TXNRD2: variants seen among roughly 807,000 people sequenced by gnomAD.
TXNRD2 encodes thioredoxin reductase 2, mitochondrial.
In TXNRD2, 67 loss-of-function variants were observed where a neutral mutation model predicts 70.8. The ratio of observed to expected loss-of-function variants is 0.95; its 90% CI spans 0.78 to 1.16. TXNRD2 has a LOEUF of 1.16. TXNRD2 is among the 50% of genes most tolerant of loss of function. TXNRD2 has a pLI of 0.00. For synonymous variants in TXNRD2, 301 were observed against 295.8 expected (o/e 1.02, Z -0.18); for missense variants, 644 against 719.9 (o/e 0.89, Z 1.21).
chr22:19,899,179 C>T, intron 8 of TXNRD2, 111 bp from the exon 9 acceptor site: 1 of 1,395,316 alleles, frequency 7.2e-7, no homozygotes, highest in Non-Finnish European at 1.0e-6. Context: ...AGCTCGTGGG[C>T]TCCAAGGTTA....
chr22:19,933,433 C>T (rs1426513747), intron 1 of TXNRD2: 3 of 1,289,484 alleles, frequency 2.3e-6, no homozygotes, highest in Admixed American at 4.6e-5. Context: ...AACGTCCCTA[C>T]CTTCCATGGC....
At chr22:19,881,389 G>A (rs530504248) in intron 12 of TXNRD2, 4 of 277,280 alleles carry the variant, frequency 1.4e-5, no homozygotes, top group South Asian at 1.7e-4. Flanking sequence ...GACTAACTAC[G>A]GAAACATCCC....
chr22:19,931,196 CA>C (rs952619050), intron 1 of TXNRD2, 98 bp from the exon 2 acceptor site: 2 of 1,097,910 alleles, frequency 1.8e-6, no homozygotes, highest in Non-Finnish European at 2.8e-6. Flanking sequence ...CTGTGATGGT[CA>C]GGGGTGACAA....
At position 19,927,812 on chromosome 22, in the gene TXNRD2, T is replaced by C. The variant is rs1207242203; in HGVS notation, c.172+3218A>G. 8.5e-5 allele frequency among the ~76,000 whole-genome samples: 13 copies of C among 152,242 alleles called. No homozygotes were observed. In the East Asian group the frequency reaches 2.3e-3, roughly 27 times the overall value. On this transcript the variant is annotated intron_variant, in intron 2 of 17. Transcript: ENST00000400521. The stretch of plus-strand genomic sequence containing the variant: ...TGACTCCAGTATGCACAAATTTCAG[T>C]GTCCATGGATTCTGCTAACAGCGGG...
At chr22:19,902,835 T>G in intron 8 of TXNRD2, 3 of 429,608 alleles carry the variant, frequency 7.0e-6, no homozygotes, top group Non-Finnish European at 1.4e-5. Context: ...ATGTGCCACT[T>G]AAATTAAATT....
intron 16 of TXNRD2, 131 bp from the exon 17 acceptor site, chr22:19,877,365 GC>G: frequency 2.4e-6 from 2 of 823,170 alleles, no homozygotes; most frequent in Non-Finnish European, 3.9e-6. Context: ...CCAGCCAGCA[GC>G]CAGGACCCCT....
At chr22:19,938,429 C>G (rs1357432136) in intron 1 of TXNRD2, among the ~76,000 whole-genome samples, 1 of 152,136 alleles carries the variant, frequency 6.6e-6, no homozygotes, top group Non-Finnish European at 1.5e-5. Context: ...AATTTCTAAA[C>G]AATGGCCTAC....
chr22:19,924,943 C>G (rs1404241013), intron 2 of TXNRD2, among the ~76,000 whole-genome samples: 1 of 148,294 alleles, frequency 6.7e-6, no homozygotes, highest in Non-Finnish European at 1.5e-5. Context: ...GGAAACAATG[C>G]AAGCCAGAAG....
chr22:19,882,450 C>T (rs1378937740), intron 12 of TXNRD2, among the ~76,000 whole-genome samples: 1 of 152,148 alleles, frequency 6.6e-6, no homozygotes, highest in Non-Finnish European at 1.5e-5. Flanking sequence ...CTGCCTGCCT[C>T]GGAGTCCCAA....
chr22:19,918,800 T>C (rs962983367), intron 4 of TXNRD2, 60 bp downstream of exon 4: 20 of 1,592,216 alleles, frequency 1.3e-5, no homozygotes, highest in Non-Finnish European at 1.6e-5. Flanking sequence ...AAGCCTCCTC[T>C]TCCTCTTCCA....
At chr22:19,903,879 C>G (rs923558728) in intron 8 of TXNRD2, among the ~76,000 whole-genome samples, 1 of 152,234 alleles carries the variant, frequency 6.6e-6, no homozygotes, top group Admixed American at 6.5e-5. Context: ...CTCCGCACCC[C>G]TGCCTCCCTG....
chr22:19,924,744 T>C (rs1030813935), intron 2 of TXNRD2, among the ~76,000 whole-genome samples: 1 of 151,994 alleles, frequency 6.6e-6, no homozygotes, highest in Non-Finnish European at 1.5e-5. Flanking sequence ...GAGTAAGAAA[T>C]GTTTCTAATG....
intron 8 of TXNRD2, among the ~76,000 whole-genome samples, chr22:19,908,319 A>G (rs1940166423): frequency 6.6e-6 from 1 of 152,160 alleles, no homozygotes; most frequent in South Asian, 2.1e-4. Flanking sequence ...AAGCAGGCAG[A>G]GTACACATGG....
intron 12 of TXNRD2, 43 bp downstream of exon 12, chr22:19,883,282 G>A (rs759648313): frequency 2.8e-5 from 45 of 1,605,086 alleles, no homozygotes; most frequent in Middle Eastern, 2.0e-4. Context: ...GGGTGGTGGA[G>A]CAGGCAGGGG....
At chr22:19,883,603 C>A in intron 11 of TXNRD2, 142 bp from the exon 12 acceptor site, 1 of 1,209,380 alleles carries the variant, frequency 8.3e-7, no homozygotes, top group Non-Finnish European at 1.2e-6. Flanking sequence ...TGTAGGAGGA[C>A]GAGGTGGGCA....
At chr22:19,910,427 T>C (rs1417828394) in intron 8 of TXNRD2, among the ~76,000 whole-genome samples, 2 of 152,144 alleles carry the variant, frequency 1.3e-5, no homozygotes, top group South Asian at 2.1e-4. Context: ...TCCTTAATGT[T>C]CTCCCTGATG....
At chr22:19,915,936 A>G (rs1454718636) in intron 5 of TXNRD2, 93 bp from the exon 6 acceptor site, 3 of 1,152,946 alleles carry the variant, frequency 2.6e-6, no homozygotes, top group Non-Finnish European at 3.8e-6. Flanking sequence ...AGGGAGCTCC[A>G]GCCCCCAGCA....
chr22:19,883,296 GGGCCCT>G, intron 12 of TXNRD2, 23 bp downstream of exon 12: 1 of 1,608,878 alleles, frequency 6.2e-7, no homozygotes, highest in South Asian at 1.1e-5. Flanking sequence ...GCAGGGGCAG[GGGCCCT>G]GGTCCCGGGA....
intron 1 of TXNRD2, among the ~76,000 whole-genome samples, chr22:19,935,907 G>C (rs55733201): frequency 0.019 from 2,964 of 152,294 alleles, 36 homozygotes; most frequent in African/African-American, 0.037. Flanking sequence ...TTGGTGAGTT[G>C]TCTGTGTATT....
Sources: allele counts gnomAD v4.1 joint callset (sites outside exome capture counted in the v4.1 genomes callset), GRCh38; gene constraint gnomAD v4.1.1; transcripts MANE v1.5; gene names NCBI Gene and HGNC (gene_info 2026-07-23, HGNC 2026-07-21).